ZNF124: variants seen among roughly 807,000 people sequenced by gnomAD.
ZNF124 encodes the protein zinc finger protein HZF-16.
A neutral mutation model predicts 26.6 loss-of-function variants in ZNF124; 25 were observed. That is an observed-to-expected ratio of 0.94 (90% CI 0.68 to 1.31). The LOEUF is 1.31. Among genes scored for constraint, ZNF124 ranks in the 40% most tolerant of loss-of-function variants. The pLI is 0.00. For synonymous variants in ZNF124, 129 were observed against 133.3 expected (o/e 0.97, Z 0.22); for missense variants, 444 against 422.2 (o/e 1.05, Z -0.45).
At chr1:247,149,511 C>T (rs1208114576) in intron 3 of ZNF124, among the ~76,000 whole-genome samples, 1 of 152,114 alleles carries the variant, frequency 6.6e-6, no homozygotes, top group East Asian at 1.9e-4. Flanking sequence ...AAATATTATT[C>T]AGCCATAAAA....
chr1:247,170,600 G>C (rs1674052701), intron 1 of ZNF124, among the ~76,000 whole-genome samples: 1 of 144,180 alleles, frequency 6.9e-6, no homozygotes, highest in Non-Finnish European at 1.5e-5. Flanking sequence ...GCTTCATTCT[G>C]CCGGAAGCTT....
rs142893551 is a variant in ZNF124, at chr1:247,168,797, C to T, written c.30+3051G>A. 2.6e-5 allele frequency among the ~76,000 whole-genome samples: 4 copies of T among 151,678 alleles called. No individual in the cohort carries two copies. The highest frequency in any genetic ancestry group is 9.7e-5 in the African/African-American group (4 of 41,394). On this transcript the variant is annotated intron_variant, in intron 1 of 3. Coordinates refer to ENST00000543802, the MANE Select transcript of ZNF124 (RefSeq NM_001297568.2). The surrounding 1 kb of genome is among the most constrained non-coding windows in gnomAD (Gnocchi z 4.0). The stretch of plus-strand genomic sequence containing the variant: ...CTATGTTCTCACTTATAAGTGGGAG[C>T]TAAGCTATGAGGTTACAAAGGCATA...
intron 3 of ZNF124, among the ~76,000 whole-genome samples, chr1:247,143,995 C>T (rs531892273): frequency 5.3e-5 from 8 of 152,282 alleles, no homozygotes; most frequent in Non-Finnish European, 8.8e-5. Context: ...CCCAAAGGAC[C>T]GTGAAGGGTG....
intron 2 of ZNF124, 26 bp downstream of exon 2, chr1:247,159,661 A>G (rs1380025325): frequency 7.5e-6 from 12 of 1,603,942 alleles, no homozygotes; most frequent in African/African-American, 1.3e-5. Context: ...CTGATTGACT[A>G]AGTGAAGAAA....
chr1:247,144,060 C>T (rs527823900), intron 3 of ZNF124, among the ~76,000 whole-genome samples: 1 of 152,302 alleles, frequency 6.6e-6, no homozygotes, highest in African/African-American at 2.4e-5. Flanking sequence ...CCATCTGCTC[C>T]AATACTAACC....
At chr1:247,158,466 C>T (rs549311467) in intron 3 of ZNF124, among the ~76,000 whole-genome samples, 3 of 152,172 alleles carry the variant, frequency 2.0e-5, no homozygotes, top group Admixed American at 6.5e-5. Flanking sequence ...TTATAAATTA[C>T]TCAGCCTAGG....
At chr1:247,144,779 T>TC (rs1672719367) in intron 3 of ZNF124, among the ~76,000 whole-genome samples, 1 of 128,004 alleles carries the variant, frequency 7.8e-6, no homozygotes, top group Non-Finnish European at 1.6e-5. Flanking sequence ...TTTCTTTCTT[T>TC]CTTTTTTTTT....
downstream of ZNF124, among the ~76,000 whole-genome samples, chr1:247,152,351 T>C (rs1456796412): frequency 2.7e-5 from 4 of 150,214 alleles, no homozygotes; most frequent in East Asian, 7.7e-4. Context: ...TAATTATATA[T>C]ATATGAGGGA....
At chr1:247,160,814 C>T (rs1673436452) in intron 1 of ZNF124, among the ~76,000 whole-genome samples, 1 of 152,128 alleles carries the variant, frequency 6.6e-6, no homozygotes, top group Non-Finnish European at 1.5e-5. Flanking sequence ...CACGTGGTTA[C>T]ACAAAGAGAA....
chr1:247,161,679 A>G (rs1246429628), intron 1 of ZNF124, among the ~76,000 whole-genome samples: 2 of 152,102 alleles, frequency 1.3e-5, no homozygotes, highest in Non-Finnish European at 2.9e-5. Context: ...CAAAAGATAC[A>G]TAACAAGAAA....
At chr1:247,161,513 AAAC>A (rs1572092870) in intron 1 of ZNF124, among the ~76,000 whole-genome samples, 1 of 152,188 alleles carries the variant, frequency 6.6e-6, no homozygotes, top group Admixed American at 6.5e-5. Flanking sequence ...GAAAAGGAGC[AAAC>A]AATAGAGACT....
At position 247,144,484 on chromosome 1, in the gene ZNF124, A is replaced by C. The variant is rs1421131111; in HGVS notation, c.218+14522T>G. Among the ~76,000 whole-genome samples the C allele has an allele frequency of 2.0e-5, 3 of 151,894 alleles. No homozygotes were observed. In the Admixed American group the frequency reaches 2.0e-4, roughly 10 times the overall value. On this transcript the variant is annotated intron_variant, in intron 3 of 3. Transcript: ENST00000472531. ...TAGAGCTGATGTGAAAGTCAGCTAAAAGCTTGCTACCGAGCCCCTGTCAAG... is the reference window on the plus strand; with the variant it reads ...TAGAGCTGATGTGAAAGTCAGCTAACAGCTTGCTACCGAGCCCCTGTCAAG...
rs1201707014 is a variant in ZNF124, at chr1:247,147,783, G to A, written c.218+11223C>T. On this transcript the variant is annotated intron_variant, in intron 3 of 3. Coordinates refer to the ZNF124 transcript ENST00000472531. ...CACCCAGACTGGAATAATCCCCTCC[G>A]GCACTTAGGGGACAGGGAAGCACAA... Among the ~76,000 whole-genome samples the A allele has an allele frequency of 4.6e-5, 7 of 151,754 alleles. No homozygotes were observed. The East Asian group carries it at 5.8e-4, about 13-fold the overall frequency.
At chr1:247,139,144 C>T (rs10465609) in intron 3 of ZNF124, among the ~76,000 whole-genome samples, 39,029 of 152,100 alleles carry the variant, frequency 0.26, 5,719 homozygotes, top group African/African-American at 0.39. Flanking sequence ...TCCGATCACC[C>T]TGGGCACATG....
chr1:247,151,604 A>G (rs969660821), downstream of ZNF124, among the ~76,000 whole-genome samples: 2 of 152,174 alleles, frequency 1.3e-5, no homozygotes, highest in Non-Finnish European at 2.9e-5. Flanking sequence ...TGGTAATATC[A>G]CCTACAGCTG....
chr1:247,151,281 C>T (rs1350448446), downstream of ZNF124, among the ~76,000 whole-genome samples: 1 of 152,020 alleles, frequency 6.6e-6, no homozygotes, highest in African/African-American at 2.4e-5. Flanking sequence ...AAATCGAGAC[C>T]ATCCTGGCCA....
intron 1 of ZNF124, among the ~76,000 whole-genome samples, chr1:247,163,312 AAGAG>A (rs1553335495): frequency 1.7e-5 from 2 of 119,878 alleles, no homozygotes; most frequent in African/African-American, 3.6e-5. Flanking sequence ...AGATAAATTG[AAGAG>A]AGAGAGAAAA....
intron 3 of ZNF124, among the ~76,000 whole-genome samples, chr1:247,128,887 G>A (rs950672700): frequency 6.9e-6 from 1 of 145,064 alleles, no homozygotes; most frequent in Admixed American, 6.9e-5. Flanking sequence ...CCAGCAGGAT[G>A]GGGTGGGAGG....
intron 3 of ZNF124, among the ~76,000 whole-genome samples, chr1:247,132,256 A>C (rs1004955251): frequency 1.4e-5 from 2 of 144,722 alleles, no homozygotes; most frequent in African/African-American, 2.7e-5. Context: ...ACAACAACAA[A>C]AAAGGCCCTC....
Sources: allele counts gnomAD v4.1 joint callset (sites outside exome capture counted in the v4.1 genomes callset), GRCh38; gene constraint gnomAD v4.1.1; non-coding constraint Gnocchi (gnomAD v3.1); transcripts MANE v1.5; gene names NCBI Gene and HGNC (gene_info 2026-07-23, HGNC 2026-07-21).